The following MX2 variants were observed in gnomAD, a reference collection of about 807,000 sequenced individuals.
MX2 encodes the protein interferon-induced GTP-binding protein Mx2.
MX2 carries 51 observed loss-of-function variants against 74.0 expected under a neutral mutation model. The ratio of observed to expected loss-of-function variants is 0.69; its 90% CI spans 0.55 to 0.87. The LOEUF is 0.87. MX2 is among the 40% of genes least tolerant of loss of function. The pLI, the probability that MX2 is intolerant of heterozygous loss-of-function variation, is 0.00. For missense variants in MX2, 832 were observed against 908.7 expected, an observed-to-expected ratio of 0.92 and a Z score of 1.09; for synonymous variants, 369 against 339.3, an observed-to-expected ratio of 1.09 and a Z score of -0.96.
chr21:41,394,893 G>A (rs146868040), intron 6 of MX2, among the ~76,000 whole-genome samples: 42 of 151,408 alleles, frequency 2.8e-4, no homozygotes, highest in African/African-American at 1.0e-3. Context: ...GTGAGCCACT[G>A]CACTCCAGCC....
chr21:41,369,175 C>T (rs2089293731), intron 1 of MX2, among the ~76,000 whole-genome samples: 2 of 152,220 alleles, frequency 1.3e-5, no homozygotes, highest in African/African-American at 4.8e-5. Flanking sequence ...GTGCTTTCAG[C>T]CCCCATGGGA....
chr21:41,408,169 G>T lies in MX2; in HGVS notation c.2084G>T (p.Arg695Ile). 1 of 1,614,228 alleles carries T rather than the reference G, an allele frequency of 6.2e-7. No homozygotes were observed. The highest frequency in any genetic ancestry group is 1.1e-5 in the South Asian group (1 of 91,088). Residue 695 changes from arginine (R) to isoleucine (I), a missense_variant, in exon 14 of 14, where the codon AGA becomes ATA. Coordinates refer to ENST00000330714, the MANE Select transcript of MX2 (RefSeq NM_002463.2). Reference protein sequence around the residue: ...TATKRRILKERIYRLTQARHA... With the variant: ...TATKRRILKEIIYRLTQARHA... ...ACCAAGAGAAGAATCCTTAAGGAGA[G>T]AATTTACCGGCTCACTCAGGCGCGA...
chr21:41,370,612 A>T (rs1044689213), intron 1 of MX2: 15 of 152,186 alleles, frequency 9.9e-5, no homozygotes, highest in African/African-American at 3.6e-4. Context: ...ATGAGCGGAG[A>T]AGAGTTGGAA....
rs761695325 is a variant in MX2 at position 41,402,072 on chromosome 21, A to C, written c.1517A>C (p.His506Pro). Residue 506 changes from histidine to proline, a missense_variant, in exon 11 of 14, where the codon CAT (histidine) becomes CCT (proline). Physicochemically the swap from His to Pro is moderately conservative, Grantham distance 77. Transcript: ENST00000330714. The surrounding 1 kb of genome is among the most constrained non-coding windows in gnomAD (Gnocchi z 4.5). Reference protein sequence around the residue: ...VNYKTFEIIVHQYIQQLVEPA... With the variant: ...VNYKTFEIIVPQYIQQLVEPA... ...TACAAGACATTTGAGATCATCGTGC[A>C]TCAGTACATCCAGCAGCTGGTGGAG... 2 of 1,614,212 alleles carry C rather than the reference A, an allele frequency of 1.2e-6. No individual in the cohort carries two copies. Among genetic ancestry groups the C allele is most frequent in the East Asian group, 4.5e-5 (2 of 44,888 alleles).
intron 5 of MX2, among the ~76,000 whole-genome samples, chr21:41,389,319 A>G (rs896820112): frequency 1.3e-5 from 2 of 152,148 alleles, no homozygotes; most frequent in Non-Finnish European, 2.9e-5. Flanking sequence ...GTTCAAGACC[A>G]ACCTGGGCAA....
intron 6 of MX2, among the ~76,000 whole-genome samples, chr21:41,391,802 T>G (rs1370000920): frequency 1.3e-5 from 2 of 148,488 alleles, no homozygotes; most frequent in Admixed American, 1.4e-4. Context: ...TTTTTTTTTT[T>G]TAACTTGGGA....
chr21:41,376,442 A>G (rs1202735420), intron 1 of MX2, among the ~76,000 whole-genome samples: 1 of 152,218 alleles, frequency 6.6e-6, no homozygotes. Flanking sequence ...ACTACTCGGT[A>G]AGCTGAGGCA....
At position 41,368,938 on chromosome 21, in the gene MX2, C is replaced by T. The variant is rs1461751764; in HGVS notation, c.-72+6883C>T. On this transcript the variant is annotated intron_variant, in intron 1 of 13. Transcript: ENST00000330714. This position sits in a 1 kb window ranked among gnomAD's most constrained non-coding sequence, Gnocchi z 4.6. ...TGGGTGGAGTGAGGCCACCTGAGATCTCACTTGCTAGGGTGGGTGCCACCA... is the reference window on the plus strand; with the variant it reads ...TGGGTGGAGTGAGGCCACCTGAGATTTCACTTGCTAGGGTGGGTGCCACCA... 6.6e-6 allele frequency among the ~76,000 whole-genome samples: 1 copy of T among 152,126 alleles called. No individual in the cohort carries two copies. Among genetic ancestry groups the T allele is most frequent in the Admixed American group, 6.5e-5 (1 of 15,280 alleles).
intron 6 of MX2, among the ~76,000 whole-genome samples, chr21:41,392,303 G>T (rs1297287192): frequency 6.6e-6 from 1 of 152,206 alleles, no homozygotes; most frequent in Admixed American, 6.5e-5. Context: ...ATAAAACGTG[G>T]CATATACGTA....
In MX2 at chr21:41,370,738, A is replaced by G. The variant is rs1357047516; in HGVS notation, c.-71-6098A>G. The G allele has an allele frequency of 2.0e-5, 3 of 152,232 alleles. No homozygotes were observed. In the East Asian group the frequency reaches 5.8e-4, roughly 29 times the overall value. The allele number at this position is 152,232 out of a possible 1,614,324, so 9.4% of individuals were successfully genotyped here. A position where few individuals can be genotyped will look rare whatever the true frequency, so the allele number is the denominator to read the frequency against. ...GGGTGCTCATATAGGAGGCAGGATC[A>G]TTTCCCCCAGACCGCGGCCATGCGG... On this transcript the variant is annotated intron_variant, in intron 1 of 13. Coordinates refer to ENST00000330714, the MANE Select transcript of MX2 (RefSeq NM_002463.2).
At chr21:41,386,506 G>A (rs1314821921) in intron 5 of MX2, among the ~76,000 whole-genome samples, 6 of 152,116 alleles carry the variant, frequency 3.9e-5, no homozygotes, top group South Asian at 2.1e-4. Context: ...GGGAAAATTC[G>A]GATCAAGACC....
chr21:41,370,903 C>A (rs2089316918), intron 1 of MX2, among the ~76,000 whole-genome samples: 1 of 152,160 alleles, frequency 6.6e-6, no homozygotes, highest in African/African-American at 2.4e-5. Flanking sequence ...TAGGGGAATG[C>A]TCACGATTTG....
intron 1 of MX2, among the ~76,000 whole-genome samples, chr21:41,376,093 G>A (rs1466537489): frequency 2.6e-5 from 4 of 152,226 alleles, no homozygotes; most frequent in Non-Finnish European, 4.4e-5. Flanking sequence ...ACACTCCCCT[G>A]GTGCCTGGCC....
rs528210056 is a variant in MX2, at chr21:41,368,511, G to A, written c.-72+6456G>A. ...CACCCCACGGCTCACTCCTGCCTCC[G>A]ACCTTCACACATGTTCACCCCTGCA... On this transcript the variant is annotated intron_variant, in intron 1 of 13. Coordinates refer to ENST00000330714, the MANE Select transcript of MX2 (RefSeq NM_002463.2). This position sits in a 1 kb window ranked among gnomAD's most constrained non-coding sequence, Gnocchi z 4.6. Among the ~76,000 whole-genome samples, 8 of 152,176 alleles carry A rather than the reference G, an allele frequency of 5.3e-5. No individual in the cohort carries two copies. The highest frequency in any genetic ancestry group is 1.9e-4 in the East Asian group (1 of 5,172).
Position 41,382,410 on chromosome 21 carries a change from C to T in MX2, c.578C>T (p.Ala193Val). 1 of 1,613,962 alleles carries T rather than the reference C, an allele frequency of 6.2e-7. No homozygotes were observed. ...PGQVEKEIHK[A>V]QNVMAGNGRG... ...GTTTCTCCCCTCCTGGCCTCCATAG[C>T]CCAGAACGTCATGGCCGGGAATGGC... Residue 193 changes from alanine to valine, a missense_variant and splice_region_variant, in exon 5 of 14, where the codon GCC becomes GTC. Transcript: ENST00000330714.
chr21:41,367,014 TCAGGGGA>T (rs1431788492), intron 1 of MX2: 1 of 152,196 alleles, frequency 6.6e-6, no homozygotes, highest in African/African-American at 2.4e-5. Flanking sequence ...CCAGCAAGAA[TCAGGGGA>T]CAGGAACCAA....
intron 1 of MX2, among the ~76,000 whole-genome samples, chr21:41,369,844 C>T (rs2089300343): frequency 6.6e-6 from 1 of 151,760 alleles, no homozygotes; most frequent in African/African-American, 2.4e-5. Context: ...CCGCCCCCGC[C>T]CCCGCTCCCG....
intron 2 of MX2, 63 bp from the exon 3 acceptor site, chr21:41,377,726 T>C (rs901327570): frequency 3.2e-5 from 48 of 1,516,178 alleles, no homozygotes; most frequent in Non-Finnish European, 4.2e-5. Context: ...CTGCCACACA[T>C]CTCCATGACA....
Position 41,408,324 on chromosome 21 carries a change from A to T in MX2, c.*91A>T, listed in dbSNP as rs2089914254. The stretch of plus-strand genomic sequence containing the variant: ...GATGCCGCTTCTGCTTTGGGGCCAA[A>T]CTCTTCTGTCACTATCAGTGTCCAT... On this transcript the variant is annotated 3_prime_UTR_variant, in exon 14 of 14. Transcript: ENST00000330714. 1 of 1,516,104 alleles carries T rather than the reference A, an allele frequency of 6.6e-7. No homozygotes were observed. Among genetic ancestry groups the T allele is most frequent in the Non-Finnish European group, 8.9e-7 (1 of 1,122,466 alleles). 93.9% of individuals were successfully genotyped at this position (1,516,104 alleles called of 1,614,324 possible).
Sources: gnomAD v4.1 joint callset for allele counts (sites outside exome capture counted in the v4.1 genomes callset) on GRCh38, gnomAD v4.1.1 for gene constraint, Gnocchi (gnomAD v3.1) non-coding constraint, MANE v1.5 for transcripts, NCBI Gene and HGNC (gene_info 2026-07-23, HGNC 2026-07-21) for gene names.